Variants in ADGRL3 observed in about 807,000 individuals in gnomAD.
ADGRL3 encodes the protein calcium-independent alpha-latrotoxin receptor 3.
ADGRL3 carries 62 observed loss-of-function variants against 153.5 expected under a neutral mutation model. The ratio of observed to expected loss-of-function variants is 0.40; its 90% CI spans 0.33 to 0.50. The LOEUF is 0.50. Ranked by LOEUF, ADGRL3 falls within the 20% of genes least tolerant of loss-of-function variation. The pLI is 0.47. For synonymous variants in ADGRL3, 710 were observed against 672.5 expected, an observed-to-expected ratio of 1.06 and a Z score of -0.86; for missense variants, 1,641 against 1,859.4, an observed-to-expected ratio of 0.88 and a Z score of 2.16.
intron 13 of ADGRL3, among the ~76,000 whole-genome samples, chr4:61,925,090 C>A: frequency 6.6e-6 from 1 of 152,158 alleles, no homozygotes; most frequent in East Asian, 1.9e-4. Flanking sequence ...GATTGCCCCT[C>A]AAAAGCAGTA....
chr4:62,007,305 G>A (rs1274175455), intron 21 of ADGRL3, among the ~76,000 whole-genome samples: 2 of 139,022 alleles, frequency 1.4e-5, no homozygotes, highest in African/African-American at 5.4e-5. Context: ...GGGGCTGTGG[G>A]AACAGGACAT....
chr4:61,293,637 A>C (rs1046509952), intron 1 of ADGRL3, among the ~76,000 whole-genome samples: 16 of 152,198 alleles, frequency 1.1e-4, no homozygotes, highest in Admixed American at 2.6e-4. Context: ...TAATAGATTC[A>C]GATGACAGTG....
intron 17 of ADGRL3, among the ~76,000 whole-genome samples, chr4:61,969,073 A>T (rs1427865089): frequency 6.6e-6 from 1 of 151,934 alleles, no homozygotes; most frequent in Non-Finnish European, 1.5e-5. Flanking sequence ...GACCTGACAA[A>T]ATCAGCTCTA....
intron 4 of ADGRL3, among the ~76,000 whole-genome samples, chr4:61,572,837 A>G (rs1005629013): frequency 1.3e-5 from 2 of 152,066 alleles, no homozygotes; most frequent in Non-Finnish European, 2.9e-5. Context: ...TAAAAGTTCC[A>G]TGATGTCTTC....
intron 4 of ADGRL3, among the ~76,000 whole-genome samples, chr4:61,522,458 G>A (rs575702389): frequency 6.6e-6 from 1 of 152,208 alleles, no homozygotes; most frequent in South Asian, 2.1e-4. Flanking sequence ...AATAAAAGCT[G>A]TGATCAAAAA....
chr4:61,231,046 C>G (rs1172278626), intron 1 of ADGRL3, among the ~76,000 whole-genome samples: 1 of 152,146 alleles, frequency 6.6e-6, no homozygotes, highest in Non-Finnish European at 1.5e-5. Context: ...GGCCCTGTAA[C>G]ATACCACTAA....
intron 9 of ADGRL3, among the ~76,000 whole-genome samples, chr4:61,828,542 CAG>C (rs1383841047): frequency 6.6e-6 from 1 of 152,082 alleles, no homozygotes; most frequent in Non-Finnish European, 1.5e-5. Flanking sequence ...AGCAAATCTT[CAG>C]AGTTTAAAAA....
rs2098502812 is a variant in ADGRL3 at position 61,517,346 on chromosome 4, T to C, written c.87T>C (p.Leu29=). The C allele has an allele frequency of 1.4e-6, 1 of 704,164 alleles. No individual in the cohort carries two copies. Among genetic ancestry groups the C allele is most frequent in the Non-Finnish European group, 2.6e-6 (1 of 386,300 alleles). The allele number at this position is 704,164 out of a possible 1,614,324, so 43.6% of individuals were successfully genotyped here. ...GGKHSERHPA[L]AAPLRHAERS... ...AGCACAGTGAACGACATCCTGCCCT[T>C]GCTGCTCCATTGCGACACGCTGAGC... Residue 29 remains leucine (L), a synonymous_variant, in exon 4 of 27, where the codon CTT becomes CTC. Coordinates refer to ENST00000683033, the MANE Select transcript of ADGRL3 (RefSeq NM_001387552.1).
chr4:61,368,202 A>G (rs2096445641), intron 1 of ADGRL3, among the ~76,000 whole-genome samples: 1 of 151,846 alleles, frequency 6.6e-6, no homozygotes, highest in African/African-American at 2.4e-5. Context: ...GTTCACTCTG[A>G]TGGTAGTTTC....
intron 5 of ADGRL3, among the ~76,000 whole-genome samples, chr4:61,626,439 G>A (rs1253430257): frequency 6.6e-6 from 1 of 150,570 alleles, no homozygotes; most frequent in Non-Finnish European, 1.5e-5. Flanking sequence ...TTTCTCTTTT[G>A]ATCTCTAATT....
At chr4:61,285,884 T>A in intron 1 of ADGRL3, among the ~76,000 whole-genome samples, 1 of 151,798 alleles carries the variant, frequency 6.6e-6, no homozygotes. Context: ...CTTTACTTTT[T>A]TTTCCCCTCC....
At chr4:61,382,437 T>C (rs1490694629) in intron 1 of ADGRL3, among the ~76,000 whole-genome samples, 1 of 151,630 alleles carries the variant, frequency 6.6e-6, no homozygotes, top group Non-Finnish European at 1.5e-5. Flanking sequence ...GAAAATACTT[T>C]GAACGATAAT....
At position 61,496,928 on chromosome 4, in the gene ADGRL3, G is replaced by A. The variant is rs567972486; in HGVS notation, c.-173-193G>A. Among the ~76,000 whole-genome samples the A allele has an allele frequency of 7.2e-3, 899 of 124,602 alleles. 5 individuals are homozygous for A. Among genetic ancestry groups the A allele is most frequent in the Middle Eastern group, 0.02 (5 of 248 alleles). The allele number at this position is 124,602 out of a possible 152,430, so 81.7% of individuals were successfully genotyped here. ...TGCACTCCAGCCGGGGCGACAGAGCGAGACTCCATCTTAAAAAAAAAAAAA... is the reference window on the plus strand; with the variant it reads ...TGCACTCCAGCCGGGGCGACAGAGCAAGACTCCATCTTAAAAAAAAAAAAA... On this transcript the variant is annotated intron_variant, in intron 2 of 26. Transcript: ENST00000683033.
At chr4:61,540,273 G>A (rs1352302902) in intron 4 of ADGRL3, among the ~76,000 whole-genome samples, 5 of 152,134 alleles carry the variant, frequency 3.3e-5, no homozygotes, top group Non-Finnish European at 7.3e-5. Flanking sequence ...AATCTGCCAG[G>A]CGTGGTGGCT....
At chr4:61,515,374 A>C (rs2098486779) in intron 3 of ADGRL3, among the ~76,000 whole-genome samples, 1 of 152,212 alleles carries the variant, frequency 6.6e-6, no homozygotes, top group Admixed American at 6.5e-5. Context: ...ACAAAAACCC[A>C]AATGAAGTAA....
intron 25 of ADGRL3, among the ~76,000 whole-genome samples, chr4:62,067,261 G>A (rs955332774): frequency 3.9e-5 from 6 of 151,940 alleles, no homozygotes; most frequent in Admixed American, 6.6e-5. Flanking sequence ...GAATTTGCTG[G>A]TTTTTATTTT....
chr4:61,332,476 C>G (rs2150986248), intron 1 of ADGRL3, among the ~76,000 whole-genome samples: 1 of 152,120 alleles, frequency 6.6e-6, no homozygotes, highest in South Asian at 2.1e-4. Context: ...TTGATAAAGG[C>G]TTATAACGCC....
chr4:61,827,164 A>G (rs966533506), intron 9 of ADGRL3, among the ~76,000 whole-genome samples: 1 of 152,240 alleles, frequency 6.6e-6, no homozygotes. Flanking sequence ...CTGGGGTTAA[A>G]GCCTTTGCTA....
intron 1 of ADGRL3, among the ~76,000 whole-genome samples, chr4:61,298,708 T>C (rs2094490209): frequency 6.6e-6 from 1 of 152,192 alleles, no homozygotes. Flanking sequence ...AGTTCTTTAC[T>C]TCTGTAGTTA....
Sources: allele counts gnomAD v4.1 joint callset (sites outside exome capture counted in the v4.1 genomes callset), GRCh38; gene constraint gnomAD v4.1.1; transcripts MANE v1.5; gene names NCBI Gene and HGNC (gene_info 2026-07-23, HGNC 2026-07-21).